The following SPON1 variants were observed in gnomAD, a reference collection of about 807,000 sequenced individuals.
SPON1 encodes the protein spondin-1.
Under a neutral mutation model 111.7 loss-of-function variants are expected in SPON1, and 52 were observed. The ratio of observed to expected loss-of-function variants is 0.47; its 90% CI spans 0.37 to 0.59. SPON1 has a LOEUF of 0.59. Among genes scored for constraint, SPON1 ranks in the 20% least tolerant of loss-of-function variants. The pLI, the probability that SPON1 is intolerant of heterozygous loss-of-function variation, is 0.00. For missense variants in SPON1, 957 were observed against 1,068.5 expected (o/e 0.90, Z 1.46); for synonymous variants, 410 against 395.8 (o/e 1.04, Z -0.43).
chr11:14,090,605 T>G (rs1554923176), intron 5 of SPON1, among the ~76,000 whole-genome samples: 1 of 151,248 alleles, frequency 6.6e-6, no homozygotes, highest in African/African-American at 2.4e-5. Context: ...GGGTCTGGAG[T>G]TGTTCGTTCC....
intron 6 of SPON1, among the ~76,000 whole-genome samples, chr11:14,203,325 A>C (rs1227953615): frequency 2.0e-5 from 3 of 152,276 alleles, no homozygotes; most frequent in South Asian, 2.1e-4. Context: ...CATTAACCCC[A>C]CACACACAGA....
At chr11:14,176,333 C>T (rs894678790) in intron 6 of SPON1, among the ~76,000 whole-genome samples, 2 of 152,136 alleles carry the variant, frequency 1.3e-5, no homozygotes, top group African/African-American at 4.8e-5. Context: ...TCCTATTCTC[C>T]GTCTGAGAAA....
chr11:13,995,258 T>C (rs1420694046), intron 2 of SPON1, among the ~76,000 whole-genome samples: 1 of 150,918 alleles, frequency 6.6e-6, no homozygotes, highest in Non-Finnish European at 1.5e-5. Context: ...AAATGCAACA[T>C]ACTAGGCTCT....
At chr11:14,129,174 G>GTT (rs112336984) in intron 5 of SPON1, among the ~76,000 whole-genome samples, 2,944 of 149,792 alleles carry the variant, frequency 0.02, 85 homozygotes, top group African/African-American at 0.068. Context: ...CCCAGAAAAT[G>GTT]TTTTTTTTTT....
At chr11:14,250,993 C>T (rs1008700911) in intron 7 of SPON1, among the ~76,000 whole-genome samples, 6 of 152,068 alleles carry the variant, frequency 3.9e-5, no homozygotes, top group African/African-American at 7.2e-5. Flanking sequence ...GCTATGAGCA[C>T]GGCAGAAATG....
chr11:14,018,479 G>T (rs1022149601), intron 2 of SPON1, among the ~76,000 whole-genome samples: 1 of 152,218 alleles, frequency 6.6e-6, no homozygotes, highest in African/African-American at 2.4e-5. Context: ...CGGAGGGGCA[G>T]GGGCTGAAGG....
intron 6 of SPON1, among the ~76,000 whole-genome samples, chr11:14,237,689 C>T (rs1407881512): frequency 2.6e-5 from 4 of 152,232 alleles, no homozygotes; most frequent in Non-Finnish European, 5.9e-5. Context: ...GGGTTTTCCC[C>T]TGTTTAGTAG....
chr11:14,075,442 G>T, intron 4 of SPON1, 24 bp downstream of exon 4: 1 of 1,512,338 alleles, frequency 6.6e-7, no homozygotes, highest in South Asian at 1.2e-5. Context: ...GGTGGGGAGG[G>T]GGAGGGGCAG....
At chr11:13,974,757 C>A (rs1029645365) in intron 1 of SPON1, among the ~76,000 whole-genome samples, 3 of 152,184 alleles carry the variant, frequency 2.0e-5, no homozygotes, top group Non-Finnish European at 2.9e-5. Flanking sequence ...AATGTCCTAG[C>A]GCAAGCCCTT....
chr11:14,166,409 A>G (rs920598094), intron 6 of SPON1, among the ~76,000 whole-genome samples: 5 of 152,208 alleles, frequency 3.3e-5, no homozygotes, highest in African/African-American at 9.6e-5. Context: ...CTCTAAAGAA[A>G]TTAGTCCTCT....
chr11:14,034,522 C>T (rs782039031), intron 2 of SPON1, among the ~76,000 whole-genome samples: 1 of 152,222 alleles, frequency 6.6e-6, no homozygotes, highest in Non-Finnish European at 1.5e-5. Flanking sequence ...AGAGAAATAA[C>T]TCCTTCTGTT....
intron 3 of SPON1, among the ~76,000 whole-genome samples, chr11:14,043,846 A>T (rs1554917585): frequency 6.6e-6 from 1 of 152,266 alleles, no homozygotes; most frequent in Non-Finnish European, 1.5e-5. Context: ...TGTATGGCTT[A>T]TTCATTTGCT....
intron 5 of SPON1, among the ~76,000 whole-genome samples, chr11:14,088,477 G>A (rs1412580514): frequency 2.0e-5 from 3 of 152,216 alleles, no homozygotes; most frequent in African/African-American, 7.2e-5. Context: ...CTTCTGGCTT[G>A]TAGGGTTTCT....
At chr11:14,202,408 T>C (rs1554935739) in intron 6 of SPON1, among the ~76,000 whole-genome samples, 1 of 152,166 alleles carries the variant, frequency 6.6e-6, no homozygotes, top group Admixed American at 6.5e-5. Flanking sequence ...ATCATGTCCA[T>C]TGCACTCCCT....
intron 2 of SPON1, among the ~76,000 whole-genome samples, chr11:14,033,057 TC>T (rs1440635459): frequency 6.6e-6 from 1 of 152,146 alleles, no homozygotes; most frequent in African/African-American, 2.4e-5. Context: ...TCTCACATCC[TC>T]CACAGAAGAT....
chr11:14,246,600 C>G (rs1591425784), intron 7 of SPON1, among the ~76,000 whole-genome samples: 2 of 152,192 alleles, frequency 1.3e-5, no homozygotes, highest in Admixed American at 1.3e-4. Flanking sequence ...TCACACCTAC[C>G]CCAAAACAAA....
intron 1 of SPON1, 45 bp downstream of exon 1, chr11:13,963,187 C>T: frequency 7.2e-7 from 1 of 1,389,330 alleles, no homozygotes; most frequent in Non-Finnish European, 9.5e-7. Context: ...GGACCCGGTC[C>T]CCGGAGGGCG....
chr11:14,161,071 A>ATATTTATATATATTTATAT (rs374089968), intron 6 of SPON1, among the ~76,000 whole-genome samples: 1 of 14,348 alleles, frequency 7.0e-5, no homozygotes, highest in South Asian at 1.8e-3. Flanking sequence ...ATATATCTAT[A>ATATTTATATATATTTATAT]ATTTTTATAT....
intron 3 of SPON1, among the ~76,000 whole-genome samples, chr11:14,073,119 C>A (rs1014780740): frequency 2.0e-5 from 3 of 151,924 alleles, no homozygotes; most frequent in Admixed American, 2.0e-4. Flanking sequence ...CATGAATAGA[C>A]CCTTATATAT....
Sources: allele counts gnomAD v4.1 joint callset (sites outside exome capture counted in the v4.1 genomes callset), GRCh38; gene constraint gnomAD v4.1.1; transcripts MANE v1.5; gene names NCBI Gene and HGNC (gene_info 2026-07-23, HGNC 2026-07-21).